SUN3: variants seen among roughly 807,000 people sequenced by gnomAD.
The protein encoded by SUN3 is Sad1 and UNC84 domain containing 3.
In SUN3, 36 loss-of-function variants were observed where a neutral mutation model predicts 48.2. The observed-to-expected ratio is 0.75, with a 90% CI of 0.57 to 0.99. The LOEUF is 0.99. Among genes scored for constraint, SUN3 ranks in the 50% least tolerant of loss-of-function variants. The pLI is 0.00. For synonymous variants in SUN3, 148 were observed against 147.9 expected, an observed-to-expected ratio of 1.00 and a Z score of 0.00; for missense variants, 419 against 433.1, an observed-to-expected ratio of 0.97 and a Z score of 0.29.
upstream of SUN3, among the ~76,000 whole-genome samples, chr7:48,029,576 C>G (rs1790226504): frequency 6.6e-6 from 1 of 152,168 alleles, no homozygotes; most frequent in Non-Finnish European, 1.5e-5. Context: ...TTTAATTGCT[C>G]TATGGTATTT....
Position 48,025,893 on chromosome 7 carries a change from C to A in SUN3, c.168G>T (p.Leu56=). ...WKIILSTMLT[L]TFLLVGLLNH... is the part of the protein sequence containing the mutation. Reference sequence around the variant, plus strand: ...AAGACTTACCTACAAGAAGAAAAGTCAGTGTAAGCATTGTACTTAGAATAA... The same window carrying A: ...AAGACTTACCTACAAGAAGAAAAGTAAGTGTAAGCATTGTACTTAGAATAA... The change falls in exon 2 of 10, where the codon CTG becomes CTT. Residue 56 remains leucine, a synonymous_variant. Coordinates refer to ENST00000297325, the MANE Select transcript of SUN3 (RefSeq NM_001030019.2). 1.2e-6 allele frequency: 2 copies of A among 1,601,902 alleles called. No homozygotes were observed. The highest frequency in any genetic ancestry group is 2.2e-5 in the South Asian group (2 of 89,956).
intron 3 of SUN3, among the ~76,000 whole-genome samples, chr7:48,014,903 C>A (rs138554227): frequency 1.8e-3 from 269 of 152,252 alleles, no homozygotes; most frequent in African/African-American, 6.0e-3. Context: ...GACAAAATTT[C>A]TTCTTTCTTG....
At chr7:48,031,674 G>A (rs1292600344), upstream of SUN3, among the ~76,000 whole-genome samples, 1 of 152,112 alleles carries the variant, frequency 6.6e-6, no homozygotes, top group Non-Finnish European at 1.5e-5. Flanking sequence ...ACTACCTTAT[G>A]ATTCAGCAAT....
chr7:48,011,708 A>G (rs1399182471), intron 3 of SUN3, among the ~76,000 whole-genome samples: 1 of 152,236 alleles, frequency 6.6e-6, no homozygotes, highest in African/African-American at 2.4e-5. Context: ...TTTTAAAAAC[A>G]TTTTTATTTT....
At chr7:48,010,792 G>A (rs1413773203) in intron 3 of SUN3, among the ~76,000 whole-genome samples, 1 of 152,184 alleles carries the variant, frequency 6.6e-6, no homozygotes, top group Admixed American at 6.5e-5. Flanking sequence ...GACCACAAAC[G>A]GGGTGGTTTG....
chr7:48,035,534 T>A, the SUN3 span: 6 of 698,108 alleles, frequency 8.6e-6, no homozygotes, highest in East Asian at 1.6e-4. The surrounding 1 kb of genome is among the most constrained non-coding windows in gnomAD (Gnocchi z 4.0). Flanking sequence ...CGCGGCGCGC[T>A]GGGAGTTTGG....
At position 48,007,234 on chromosome 7, in the gene SUN3, C is replaced by T. The variant is rs556391462; in HGVS notation, c.423G>A (p.Lys141=). Residue 141 remains lysine (K), a synonymous_variant, in exon 5 of 10, where the codon AAG becomes AAA. Coordinates refer to ENST00000297325, the MANE Select transcript of SUN3 (RefSeq NM_001030019.2). ...DVLKALLRDM[K]DGMDNNHNWN... The stretch of plus-strand genomic sequence containing the variant: ...AGTTGTGATTATTGTCCATACCATC[C>T]TTCATATCTCTTAGCAATGCCTTCA... 2.3e-5 allele frequency: 37 copies of T among 1,614,040 alleles called. No homozygotes were observed. The highest frequency in any genetic ancestry group is 2.6e-5 in the Non-Finnish European group (31 of 1,180,040).
intron 6 of SUN3, among the ~76,000 whole-genome samples, chr7:48,003,683 T>C (rs1789450151): frequency 6.6e-6 from 1 of 152,182 alleles, no homozygotes; most frequent in Non-Finnish European, 1.5e-5. Flanking sequence ...TGAATGGGAG[T>C]TCGTTACTGA....
chr7:48,002,792 G>A (rs147195757), intron 6 of SUN3, among the ~76,000 whole-genome samples: 209 of 152,290 alleles, frequency 1.4e-3, no homozygotes, highest in African/African-American at 4.8e-3. Flanking sequence ...TCTTTGTCGT[G>A]ATATCTTTGC....
intron 1 of SUN3, among the ~76,000 whole-genome samples, chr7:48,027,022 A>C (rs1309705490): frequency 1.3e-5 from 2 of 152,170 alleles, no homozygotes. Flanking sequence ...CTCCAAAGGT[A>C]CCTGCTCTCC....
intron 4 of SUN3, among the ~76,000 whole-genome samples, chr7:48,008,621 T>C (rs1221930496): frequency 6.6e-6 from 1 of 152,204 alleles, no homozygotes; most frequent in Non-Finnish European, 1.5e-5. Flanking sequence ...GACAAGTAAT[T>C]TTCTAAAGTA....
At chr7:47,993,683 G>A (rs1375054153) in intron 8 of SUN3, among the ~76,000 whole-genome samples, 1 of 152,102 alleles carries the variant, frequency 6.6e-6, no homozygotes, top group East Asian at 1.9e-4. Context: ...AGGAGGTGAC[G>A]GCTAAGGGGT....
intron 1 of SUN3, among the ~76,000 whole-genome samples, chr7:48,027,702 CA>C (rs1790173454): frequency 6.6e-6 from 1 of 152,210 alleles, no homozygotes; most frequent in African/African-American, 2.4e-5. Flanking sequence ...ATCTACCCTA[CA>C]TAAAGCAGTC....
intron 8 of SUN3, chr7:47,991,005 C>G (rs1156407248): frequency 2.2e-6 from 1 of 449,712 alleles, no homozygotes; most frequent in Non-Finnish European, 4.5e-6. Flanking sequence ...GGTATTACTA[C>G]TTACCGCCTG....
intron 2 of SUN3, among the ~76,000 whole-genome samples, chr7:48,020,277 C>T (rs1229910962): frequency 6.6e-6 from 1 of 151,840 alleles, no homozygotes; most frequent in Admixed American, 6.6e-5. Flanking sequence ...ATGATAAAAA[C>T]CCTAAAAAAA....
intron 1 of SUN3, among the ~76,000 whole-genome samples, chr7:48,026,503 A>T (rs1172920015): frequency 1.3e-5 from 2 of 151,834 alleles, no homozygotes; most frequent in Non-Finnish European, 2.9e-5. Context: ...TCACAGAATG[A>T]ACACATCCAT....
chr7:48,032,141 G>T (rs1271619984), upstream of SUN3, among the ~76,000 whole-genome samples: 1 of 152,166 alleles, frequency 6.6e-6, no homozygotes, highest in African/African-American at 2.4e-5. Context: ...TGGTCAAAAG[G>T]TGCAGAGCTT....
chr7:48,022,117 A>G (rs1370492600), intron 2 of SUN3, among the ~76,000 whole-genome samples: 1 of 152,160 alleles, frequency 6.6e-6, no homozygotes. Context: ...CATTTGCAAC[A>G]ACATGGATGG....
chr7:48,025,164 T>C (rs533718776), intron 2 of SUN3, among the ~76,000 whole-genome samples: 1 of 152,152 alleles, frequency 6.6e-6, no homozygotes, highest in South Asian at 2.1e-4. Context: ...TAAATGTCCA[T>C]GAATAGATAA....
Sources: allele counts gnomAD v4.1 joint callset (sites outside exome capture counted in the v4.1 genomes callset), GRCh38; gene constraint gnomAD v4.1.1; non-coding constraint Gnocchi (gnomAD v3.1); transcripts MANE v1.5; gene names NCBI Gene and HGNC (gene_info 2026-07-23, HGNC 2026-07-21).